The following ALX1 variants were observed in gnomAD, a reference collection of about 807,000 sequenced individuals.
ALX1 encodes the protein ALX homeobox protein 1.
ALX1 carries 19 observed loss-of-function variants against 31.7 expected under a neutral mutation model. That is an observed-to-expected ratio of 0.60 (90% CI 0.42 to 0.88). ALX1 has a LOEUF of 0.88. Ranked by LOEUF, ALX1 falls within the 40% of genes least tolerant of loss-of-function variation. The probability of loss-of-function intolerance (pLI) is 0.00; values close to 1 mark genes in which losing one functional copy is unlikely to be tolerated. For synonymous variants in ALX1, 153 were observed against 148.8 expected, an observed-to-expected ratio of 1.03 and a Z score of -0.20; for missense variants, 415 against 407.8, an observed-to-expected ratio of 1.02 and a Z score of -0.15.
In ALX1 at chr12:85,301,709, A is replaced by C. The variant is rs1593055462; in HGVS notation, c.*234A>C. ...CTCCACAAACCCTGTTTTAGTAGTA[A>C]GGTTTTCTTTTTCTATTGTACAAGT... On this transcript the variant is annotated 3_prime_UTR_variant, in exon 4 of 4. Coordinates refer to ENST00000316824, the MANE Select transcript of ALX1 (RefSeq NM_006982.3). 1.8e-6 allele frequency: 1 copy of C among 566,042 alleles called. No individual in the cohort carries two copies. Among genetic ancestry groups the C allele is most frequent in the Non-Finnish European group, 3.1e-6 (1 of 322,356 alleles). The allele number at this position is 566,042 out of a possible 1,614,324, so 35.1% of individuals were successfully genotyped here.
intron 3 of ALX1, among the ~76,000 whole-genome samples, chr12:85,290,342 T>C (rs563485521): frequency 9.3e-5 from 14 of 151,306 alleles, no homozygotes; most frequent in African/African-American, 3.1e-4. Flanking sequence ...TCAGGTTTTC[T>C]GAGCTCAGGA....
At chr12:85,282,561 C>T (rs1223426895) in intron 1 of ALX1, among the ~76,000 whole-genome samples, 2 of 152,060 alleles carry the variant, frequency 1.3e-5, no homozygotes, top group African/African-American at 2.4e-5. Flanking sequence ...GTATGATCAT[C>T]TATTGGAAAT....
At chr12:85,299,295 T>C (rs570701213) in intron 3 of ALX1, among the ~76,000 whole-genome samples, 1 of 151,754 alleles carries the variant, frequency 6.6e-6, no homozygotes, top group Admixed American at 6.6e-5. Context: ...GACAGAGTAA[T>C]GACATTAGCA....
intron 3 of ALX1, among the ~76,000 whole-genome samples, chr12:85,291,598 G>A (rs921781219): frequency 2.0e-5 from 3 of 151,118 alleles, no homozygotes; most frequent in African/African-American, 7.3e-5. Context: ...CATGTTCTTA[G>A]GTTTGGATTA....
intron 2 of ALX1, among the ~76,000 whole-genome samples, chr12:85,284,637 A>AT: frequency 6.6e-6 from 1 of 152,174 alleles, no homozygotes; most frequent in East Asian, 1.9e-4. Context: ...TTTAAAAATA[A>AT]TTTGAGAAAG....
chr12:85,281,589 T>C (rs750815547), intron 1 of ALX1, among the ~76,000 whole-genome samples: 3 of 152,232 alleles, frequency 2.0e-5, no homozygotes, highest in Admixed American at 6.5e-5. Flanking sequence ...CAAGTTTTTT[T>C]CTTTTATTAA....
intron 3 of ALX1, among the ~76,000 whole-genome samples, chr12:85,295,152 T>C (rs1246766246): frequency 6.6e-6 from 1 of 151,312 alleles, no homozygotes; most frequent in Non-Finnish European, 1.5e-5. Flanking sequence ...GATCTTTTTT[T>C]TTCAGGTAGA....
intron 1 of ALX1, among the ~76,000 whole-genome samples, chr12:85,281,537 A>T (rs1482418188): frequency 6.6e-6 from 1 of 152,222 alleles, no homozygotes; most frequent in African/African-American, 2.4e-5. Context: ...AATCTGACAA[A>T]ACACTGGCCT....
In ALX1 at chr12:85,283,775, C is replaced by T. The variant is rs552239444; in HGVS notation, c.430C>T (p.Leu144=). The change falls in exon 2 of 4, where the codon CTA becomes TTA. Residue 144 remains leucine, a synonymous_variant. Transcript: ENST00000316824. ...RHRTTFTSLQ[L]EELEKVFQKT... ...CCGAACCACCTTCACCAGTTTGCAG[C>T]TAGAGGAGCTGGAGAAAGTCTTTCA... 6.2e-7 allele frequency: 1 copy of T among 1,614,118 alleles called. No individual in the cohort carries two copies. Among genetic ancestry groups the T allele is most frequent in the African/African-American group, 1.3e-5 (1 of 75,022 alleles).
chr12:85,298,478 A>G (rs1896919102), intron 3 of ALX1, among the ~76,000 whole-genome samples: 1 of 151,792 alleles, frequency 6.6e-6, no homozygotes, highest in Non-Finnish European at 1.5e-5. Context: ...CGAGGATATT[A>G]TCTTTTATGA....
intron 3 of ALX1, among the ~76,000 whole-genome samples, chr12:85,297,764 G>T (rs924775778): frequency 6.6e-6 from 1 of 151,568 alleles, no homozygotes; most frequent in Non-Finnish European, 1.5e-5. Context: ...AGTCTCCAAG[G>T]ATATGTATCT....
intron 3 of ALX1, among the ~76,000 whole-genome samples, chr12:85,295,018 A>AT (rs1481859476): frequency 1.3e-5 from 2 of 151,344 alleles, no homozygotes; most frequent in Non-Finnish European, 3.0e-5. Flanking sequence ...ACCTTAAAAT[A>AT]TTTTTTGGTG....
At chr12:85,290,733 C>T (rs929156409) in intron 3 of ALX1, among the ~76,000 whole-genome samples, 5 of 150,970 alleles carry the variant, frequency 3.3e-5, no homozygotes, top group Non-Finnish European at 5.9e-5. Context: ...CAAGAGTTAA[C>T]GTTTTTGAAA....
intron 3 of ALX1, among the ~76,000 whole-genome samples, chr12:85,297,931 A>G (rs1896910694): frequency 6.6e-6 from 1 of 151,710 alleles, no homozygotes; most frequent in Non-Finnish European, 1.5e-5. Context: ...TGATATATTA[A>G]CATAAATCAT....
At position 85,301,429 on chromosome 12, in the gene ALX1, G is replaced by C; in HGVS notation, c.935G>C (p.Arg312Pro). The change falls in exon 4 of 4, where the codon CGA (arginine) becomes CCA (proline). Residue 312 changes from arginine to proline, a missense_variant. Arg to Pro is a moderately radical substitution (Grantham distance 103). Coordinates refer to ENST00000316824, the MANE Select transcript of ALX1 (RefSeq NM_006982.3). Reference protein sequence around the residue: ...ERRSSSIAVLRMKAKEHTANI... With the variant: ...ERRSSSIAVLPMKAKEHTANI... Reference sequence around the variant, plus strand: ...AGGTCTTCCAGTATCGCAGTTCTTCGAATGAAAGCCAAGGAGCACACCGCC... The same window carrying C: ...AGGTCTTCCAGTATCGCAGTTCTTCCAATGAAAGCCAAGGAGCACACCGCC... 6.2e-7 allele frequency: 1 copy of C among 1,614,010 alleles called. No individual in the cohort carries two copies. Among genetic ancestry groups the C allele is most frequent in the Non-Finnish European group, 8.5e-7 (1 of 1,179,962 alleles).
At chr12:85,281,989 A>G (rs946685405) in intron 1 of ALX1, among the ~76,000 whole-genome samples, 1 of 152,220 alleles carries the variant, frequency 6.6e-6, no homozygotes, top group Non-Finnish European at 1.5e-5. Flanking sequence ...CACTATTAAG[A>G]TGAATTATAA....
At chr12:85,288,880 A>G (rs6539889) in intron 3 of ALX1, among the ~76,000 whole-genome samples, 72,635 of 151,180 alleles carry the variant, frequency 0.48, 21,456 homozygotes, top group African/African-American at 0.84. Flanking sequence ...CTTTAGTGTC[A>G]GGAGCCACAA....
At position 85,294,822 on chromosome 12, in the gene ALX1, A is replaced by G. The variant is rs145676330; in HGVS notation, c.661-6333A>G. Among the ~76,000 whole-genome samples, 1,363 of 151,042 alleles carry G rather than the reference A, an allele frequency of 9.0e-3. 9 individuals are homozygous for G. Among genetic ancestry groups the G allele is most frequent in the Admixed American group, 0.015 (220 of 15,084 alleles). ...GGAAAAGTCACCTTTCTTGTTTCAAATCTCTGTATACATATCTAAGATGGA... is the reference window on the plus strand; with the variant it reads ...GGAAAAGTCACCTTTCTTGTTTCAAGTCTCTGTATACATATCTAAGATGGA... On this transcript the variant is annotated intron_variant, in intron 3 of 3. Transcript: ENST00000316824.
At chr12:85,292,702 A>G (rs1896833671) in intron 3 of ALX1, among the ~76,000 whole-genome samples, 1 of 150,950 alleles carries the variant, frequency 6.6e-6, no homozygotes. Flanking sequence ...TAGTTCCCAT[A>G]TAATAGACTG....
Sources: gnomAD v4.1 joint callset for allele counts (sites outside exome capture counted in the v4.1 genomes callset) on GRCh38, gnomAD v4.1.1 for gene constraint, MANE v1.5 for transcripts, NCBI Gene and HGNC (gene_info 2026-07-23, HGNC 2026-07-21) for gene names.